TADA2B: variants seen among roughly 807,000 people sequenced by gnomAD.
The protein encoded by TADA2B is transcriptional adapter 2-beta.
TADA2B carries 13 observed loss-of-function variants against 34.5 expected under a neutral mutation model. The ratio of observed to expected loss-of-function variants is 0.38; its 90% CI spans 0.25 to 0.60. The LOEUF (loss-of-function observed/expected upper bound fraction) is 0.60. TADA2B is among the 20% of genes least tolerant of loss of function. TADA2B has a pLI of 0.65. For synonymous variants in TADA2B, 240 were observed against 243.4 expected, an observed-to-expected ratio of 0.99 and a Z score of 0.13; for missense variants, 442 against 575.0, an observed-to-expected ratio of 0.77 and a Z score of 2.37.
Position 7,055,190 on chromosome 4 carries a change from T to C in TADA2B, c.*136T>C. ...TCCTTTTTTTAAGATAGAAATTCTT[T>C]TCATGGTCCTCTGAAAGAAGCAATA... On this transcript the variant is annotated 3_prime_UTR_variant, in exon 2 of 2. Coordinates refer to ENST00000310074, the MANE Select transcript of TADA2B (RefSeq NM_152293.3). 1.1e-6 allele frequency: 1 copy of C among 888,992 alleles called. No individual in the cohort carries two copies. The highest frequency in any genetic ancestry group is 1.9e-5 in the South Asian group (1 of 53,222). The allele number at this position is 888,992 out of a possible 1,614,324, so 55.1% of individuals were successfully genotyped here. A position where few individuals can be genotyped will look rare whatever the true frequency, so the allele number is the denominator to read the frequency against.
chr4:7,049,043 G>A (rs748898540), intron 1 of TADA2B, among the ~76,000 whole-genome samples: 20 of 152,110 alleles, frequency 1.3e-4, no homozygotes, highest in Non-Finnish European at 2.6e-4. Context: ...GAGGGATCTC[G>A]TCAAGTAAAT....
chr4:7,054,137 C>T lies in TADA2B; in HGVS notation c.346C>T (p.His116Tyr). ...VMEHYVSMYI[H>Y]GNLGKACIPD... ...GGAGCATTACGTGAGCATGTACATC[C>T]ACGGGAACCTGGGGAAGGCCTGCAT... is the stretch of plus-strand genomic sequence containing the variant. Residue 116 changes from histidine (H) to tyrosine (Y), a missense_variant, in exon 2 of 2, where the codon CAC becomes TAC. By Grantham distance (83) the His-to-Tyr change is moderately conservative (BLOSUM62 2). This residue lies in a region of TADA2B where 102 missense variants were observed against 177.2 expected (regional missense o/e 0.58). Coordinates refer to ENST00000310074, the MANE Select transcript of TADA2B (RefSeq NM_152293.3). The T allele has an allele frequency of 1.2e-6, 2 of 1,604,328 alleles. No homozygotes were observed. Among genetic ancestry groups the T allele is most frequent in the East Asian group, 2.2e-5 (1 of 44,456 alleles).
intron 1 of TADA2B, among the ~76,000 whole-genome samples, chr4:7,044,756 T>C (rs1723581220): frequency 6.6e-6 from 1 of 152,160 alleles, no homozygotes; most frequent in African/African-American, 2.4e-5. Context: ...CCCAGCGCCC[T>C]TAGCTTTCCA....
At position 7,055,407 on chromosome 4, in the gene TADA2B, T is replaced by C. The variant is rs551432819; in HGVS notation, c.*353T>C. On this transcript the variant is annotated 3_prime_UTR_variant, in exon 2 of 2. Transcript: ENST00000310074. ...ATTGTGGGTGACAGGAGCAGTGTTTTCCTGCTGGACCCGCAAGCCACCAGC... is the reference window on the plus strand; with the variant it reads ...ATTGTGGGTGACAGGAGCAGTGTTTCCCTGCTGGACCCGCAAGCCACCAGC... The C allele has an allele frequency of 3.9e-5, 7 of 180,244 alleles. No homozygotes were observed. In the South Asian group the frequency reaches 8.2e-4, roughly 21 times the overall value. The allele number at this position is 180,244 out of a possible 1,614,324, so 11.2% of individuals were successfully genotyped here.
chr4:7,048,341 G>A (rs1723684466), intron 1 of TADA2B, among the ~76,000 whole-genome samples: 1 of 152,066 alleles, frequency 6.6e-6, no homozygotes, highest in African/African-American at 2.4e-5. Flanking sequence ...ACGCAGAGGT[G>A]GTCTCCAACT....
intron 1 of TADA2B, among the ~76,000 whole-genome samples, chr4:7,049,884 C>T (rs1348214900): frequency 6.6e-6 from 1 of 152,254 alleles, no homozygotes; most frequent in East Asian, 1.9e-4. Flanking sequence ...TGTCCTGCCG[C>T]TAGCTGCAGG....
Position 7,054,501 on chromosome 4 carries a change from A to G in TADA2B, c.710A>G (p.Lys237Arg). The G allele has an allele frequency of 4.3e-6, 7 of 1,613,766 alleles. No homozygotes were observed. The highest frequency in any genetic ancestry group is 1.7e-5 in the Admixed American group (1 of 60,024). The change falls in exon 2 of 2, where the codon AAG becomes AGG. Residue 237 changes from lysine (K) to arginine (R), a missense_variant. Physicochemically the swap from Lys to Arg is conservative, Grantham distance 26. Transcript: ENST00000310074. ...GTGCCAGCCTTCCTGGGGAAGGACAAGAAGGAGAAGGAAAAGGCGCTGAAG... is the reference window on the plus strand; with the variant it reads ...GTGCCAGCCTTCCTGGGGAAGGACAGGAAGGAGAAGGAAAAGGCGCTGAAG... The part of the protein sequence containing the change: ...NLVPAFLGKD[K>R]KEKEKALKRK...
chr4:7,048,789 G>T (rs938225173), intron 1 of TADA2B, among the ~76,000 whole-genome samples: 3 of 151,906 alleles, frequency 2.0e-5, no homozygotes, highest in African/African-American at 4.8e-5. Context: ...CCCGTCTGGC[G>T]CTAGGGACCT....
intron 1 of TADA2B, 75 bp from the exon 2 acceptor site, chr4:7,053,987 C>T (rs1349064790): frequency 6.3e-5 from 92 of 1,460,498 alleles, no homozygotes; most frequent in Non-Finnish European, 7.5e-5. Flanking sequence ...TTTGTAAAAA[C>T]GTGAAGAGAA....
At chr4:7,050,131 G>A (rs1723727055) in intron 1 of TADA2B, among the ~76,000 whole-genome samples, 2 of 152,272 alleles carry the variant, frequency 1.3e-5, no homozygotes. Flanking sequence ...TCTGACCTGT[G>A]CAGATGGGAA....
rs368407578 is a variant in TADA2B, at chr4:7,048,483, G to T, written c.270+4634G>T. Among the ~76,000 whole-genome samples, 13 of 152,294 alleles carry T rather than the reference G, an allele frequency of 8.5e-5. No individual in the cohort carries two copies. The East Asian group carries it at 2.3e-3, about 27-fold the overall frequency. Reference sequence around the variant, plus strand: ...CCTAGGTGCTGCTGATGCGGCCGCCGTGGGACCCCACTTTAAGAACCACTG... The same window carrying T: ...CCTAGGTGCTGCTGATGCGGCCGCCTTGGGACCCCACTTTAAGAACCACTG... On this transcript the variant is annotated intron_variant, in intron 1 of 1. Transcript: ENST00000310074.
At chr4:7,048,128 T>C (rs1049790199) in intron 1 of TADA2B, among the ~76,000 whole-genome samples, 7 of 152,186 alleles carry the variant, frequency 4.6e-5, no homozygotes, top group Non-Finnish European at 8.8e-5. Context: ...GATTGTCACC[T>C]CTGAGGCCGA....
chr4:7,045,787 A>C (rs1258706070), intron 1 of TADA2B: 2 of 152,232 alleles, frequency 1.3e-5, no homozygotes, highest in African/African-American at 4.8e-5. Context: ...CTGTACTCTT[A>C]ACTTCACTGT....
At chr4:7,045,930 C>T (rs1577214609) in intron 1 of TADA2B, 1 of 152,226 alleles carries the variant, frequency 6.6e-6, no homozygotes, top group African/African-American at 2.4e-5. Context: ...ACTTTCCGAA[C>T]GAATGTGCAC....
At chr4:7,047,075 G>T (rs1256678843) in intron 1 of TADA2B, among the ~76,000 whole-genome samples, 1 of 152,172 alleles carries the variant, frequency 6.6e-6, no homozygotes, top group Non-Finnish European at 1.5e-5. Context: ...GATTAGCGGG[G>T]TCTGGCGTCT....
chr4:7,043,477 C>T lies in TADA2B; in HGVS notation c.-103C>T, dbSNP rs1723537646. 1.0e-5 allele frequency: 7 copies of T among 667,012 alleles called. No homozygotes were observed. The highest frequency in any genetic ancestry group is 4.1e-5 in the African/African-American group (2 of 48,692). The allele number at this position is 667,012 out of a possible 1,614,324, so 41.3% of individuals were successfully genotyped here. The stretch of plus-strand genomic sequence containing the variant: ...CAGCCGCGGCGGCGGGCGGCGGTTG[C>T]TCGTGCGCGGCGGCGGCGGCGGGTC... On this transcript the variant is annotated 5_prime_UTR_variant, in exon 1 of 2. Coordinates refer to ENST00000310074, the MANE Select transcript of TADA2B (RefSeq NM_152293.3).
chr4:7,055,234 A>G lies in TADA2B; in HGVS notation c.*180A>G. 3.1e-6 allele frequency: 2 copies of G among 644,044 alleles called. No homozygotes were observed. 39.9% of individuals were successfully genotyped at this position (644,044 alleles called of 1,614,324 possible). On this transcript the variant is annotated 3_prime_UTR_variant, in exon 2 of 2. Coordinates refer to ENST00000310074, the MANE Select transcript of TADA2B (RefSeq NM_152293.3). The stretch of plus-strand genomic sequence containing the variant: ...AGCAATAGTAACAATCTTATATTGG[A>G]TCATGGGGGAAGCAAATGTGTGTAT...
rs1261166853 is a variant in TADA2B at position 7,054,554 on chromosome 4, C to A, written c.763C>A (p.Leu255Met). ...CAAGATCACCAAGGAGGAGAAGGAGCTGCGCCTGAAGCTGAGGCCGCTGTA... is the reference window on the plus strand; with the variant it reads ...CAAGATCACCAAGGAGGAGAAGGAGATGCGCCTGAAGCTGAGGCCGCTGTA... ...KRKITKEEKE[L>M]RLKLRPLYQF... The change falls in exon 2 of 2, where the codon CTG becomes ATG. Residue 255 changes from leucine to methionine, a missense_variant. Around this residue, in one of 4 missense-constraint regions of TADA2B, gnomAD observed 222 missense variants for 235.2 expected, o/e 0.94. Transcript: ENST00000310074. 1.2e-6 allele frequency: 2 copies of A among 1,613,792 alleles called. No homozygotes were observed. Among genetic ancestry groups the A allele is most frequent in the South Asian group, 2.2e-5 (2 of 91,094 alleles).
At chr4:7,047,960 C>T (rs1462718626) in intron 1 of TADA2B, among the ~76,000 whole-genome samples, 1 of 152,190 alleles carries the variant, frequency 6.6e-6, no homozygotes, top group Non-Finnish European at 1.5e-5. Context: ...GACAGGTGCT[C>T]CCCACTTTTA....
Sources: gnomAD v4.1 joint callset for allele counts (sites outside exome capture counted in the v4.1 genomes callset) on GRCh38, gnomAD v4.1.1 for gene constraint, gnomAD v4.1.1 regional missense constraint, MANE v1.5 for transcripts, NCBI Gene and HGNC (gene_info 2026-07-23, HGNC 2026-07-21) for gene names.